The following NRXN1 variants were observed in gnomAD, a reference collection of about 807,000 sequenced individuals.
NRXN1 encodes the protein neurexin 1.
Under a neutral mutation model 150.9 loss-of-function variants are expected in NRXN1, and 39 were observed. The ratio of observed to expected loss-of-function variants is 0.26; its 90% CI spans 0.20 to 0.34. The LOEUF (loss-of-function observed/expected upper bound fraction) is 0.34, where lower values mean the gene tolerates loss of function less well. Ranked by LOEUF, NRXN1 falls within the 10% of genes least tolerant of loss-of-function variation. NRXN1 has a pLI of 1.00. For missense variants in NRXN1, 1,815 were observed against 1,949.9 expected (o/e 0.93, Z 1.30); for synonymous variants, 924 against 757.0 (o/e 1.22, Z -3.62).
intron 17 of NRXN1, among the ~76,000 whole-genome samples, chr2:50,369,643 A>G (rs2079865392): frequency 6.6e-6 from 1 of 151,958 alleles, no homozygotes; most frequent in Admixed American, 6.6e-5. Flanking sequence ...TCCCTCCATA[A>G]TATTCCCTGT....
At chr2:50,411,245 C>A (rs2083142360) in intron 17 of NRXN1, among the ~76,000 whole-genome samples, 1 of 152,186 alleles carries the variant, frequency 6.6e-6, no homozygotes, top group South Asian at 2.1e-4. Flanking sequence ...CCGGGCTGGT[C>A]TCCAGCTCCT....
rs889081674 is a variant in NRXN1, at chr2:50,158,042, C to T, written c.3547-66548G>A. On this transcript the variant is annotated intron_variant, in intron 18 of 22. Transcript: ENST00000401669. ...ATGAAGCTGCTGGAGAAAGATCCTT[C>T]AGGAATATTTATAAGAAGTTGAGTG... is the stretch of plus-strand genomic sequence containing the variant. Among the ~76,000 whole-genome samples the T allele has an allele frequency of 4.8e-5, 7 of 145,956 alleles. No homozygotes were observed. The South Asian group carries it at 1.5e-3, about 32-fold the overall frequency.
chr2:49,964,248 T>TTGAC (rs1676513517), intron 21 of NRXN1, among the ~76,000 whole-genome samples: 1 of 152,176 alleles, frequency 6.6e-6, no homozygotes, highest in Non-Finnish European at 1.5e-5. Flanking sequence ...TGTTTAGATT[T>TTGAC]TGACAGAAAA....
chr2:50,693,671 G>C (rs980518467), intron 5 of NRXN1, among the ~76,000 whole-genome samples: 1 of 152,282 alleles, frequency 6.6e-6, no homozygotes, highest in Non-Finnish European at 1.5e-5. Context: ...AAAATAAAGA[G>C]ATGGTAACTA....
intron 17 of NRXN1, among the ~76,000 whole-genome samples, chr2:50,354,337 T>C (rs1340243519): frequency 2.0e-5 from 3 of 151,932 alleles, no homozygotes; most frequent in African/African-American, 7.3e-5. Flanking sequence ...ACTCAGACAC[T>C]ACACTAGGGT....
intron 17 of NRXN1, among the ~76,000 whole-genome samples, chr2:50,260,060 T>C (rs1420430669): frequency 6.6e-6 from 1 of 151,820 alleles, no homozygotes; most frequent in Admixed American, 6.6e-5. Context: ...CTCTGTACTC[T>C]ATCAACTCTG....
At chr2:50,795,085 G>A (rs1706614058) in intron 5 of NRXN1, among the ~76,000 whole-genome samples, 1 of 152,104 alleles carries the variant, frequency 6.6e-6, no homozygotes, top group East Asian at 1.9e-4. Flanking sequence ...ATGCTTAGTA[G>A]TTAGTAGGAG....
At chr2:50,857,446 T>C (rs997439593) in intron 5 of NRXN1, among the ~76,000 whole-genome samples, 14 of 152,182 alleles carry the variant, frequency 9.2e-5, no homozygotes, top group Non-Finnish European at 1.8e-4. Context: ...CTTTCCTTTG[T>C]AGAGGATGAT....
intron 5 of NRXN1, among the ~76,000 whole-genome samples, chr2:50,655,685 A>G (rs1435435836): frequency 6.6e-6 from 1 of 151,862 alleles, no homozygotes; most frequent in East Asian, 1.9e-4. Context: ...GAGGGAAGAA[A>G]GAGGACAGAA....
chr2:50,553,550 A>G (rs1047054019), intron 8 of NRXN1, among the ~76,000 whole-genome samples: 1 of 152,218 alleles, frequency 6.6e-6, no homozygotes, highest in Non-Finnish European at 1.5e-5. Flanking sequence ...GACAGTCACA[A>G]CAAGTTAAAG....
chr2:49,945,554 C>T (rs1303091480), intron 21 of NRXN1, among the ~76,000 whole-genome samples: 1 of 152,062 alleles, frequency 6.6e-6, no homozygotes, highest in African/African-American at 2.4e-5. Flanking sequence ...CACCCTCCAA[C>T]AGGCCCAAGT....
intron 21 of NRXN1, among the ~76,000 whole-genome samples, chr2:49,987,345 G>A (rs903769191): frequency 2.0e-5 from 3 of 152,062 alleles, no homozygotes; most frequent in African/African-American, 7.2e-5. Context: ...CCTGTCCTAA[G>A]CCTTGGCCTC....
chr2:50,903,546 T>C (rs1683244085), intron 5 of NRXN1, among the ~76,000 whole-genome samples: 1 of 152,164 alleles, frequency 6.6e-6, no homozygotes. Flanking sequence ...GCTCTCAGTG[T>C]ACCACAATAT....
chr2:49,967,885 A>G (rs1215486229), intron 21 of NRXN1, among the ~76,000 whole-genome samples: 1 of 152,032 alleles, frequency 6.6e-6, no homozygotes, highest in Non-Finnish European at 1.5e-5. Context: ...AGCAATCAAG[A>G]GCTATTCAGT....
At chr2:50,697,140 T>C (rs1159018341) in intron 5 of NRXN1, among the ~76,000 whole-genome samples, 1 of 152,062 alleles carries the variant, frequency 6.6e-6, no homozygotes, top group Non-Finnish European at 1.5e-5. Context: ...AGATGGGAAG[T>C]GAAAAAGAGA....
rs562324794 is a variant in NRXN1, at chr2:50,895,689, T to C, written c.832+26180A>G. ...TTTGCCTCCCAGGTCCAAGTAATGG[T>C]CCTGCCTCAGCCTCCCAAGTAGCTG... is the stretch of plus-strand genomic sequence containing the variant. On this transcript the variant is annotated intron_variant, in intron 5 of 22. Transcript: ENST00000401669. Among the ~76,000 whole-genome samples the C allele has an allele frequency of 2.0e-5, 3 of 151,860 alleles. No homozygotes were observed. In the South Asian group the frequency reaches 6.2e-4, roughly 32 times the overall value.
Position 50,321,596 on chromosome 2 carries a change from C to T in NRXN1, c.3365-84626G>A, listed in dbSNP as rs370019101. 3.9e-5 allele frequency among the ~76,000 whole-genome samples: 6 copies of T among 151,918 alleles called. No homozygotes were observed. In the East Asian group the frequency reaches 5.8e-4, roughly 15 times the overall value. On this transcript the variant is annotated intron_variant, in intron 17 of 22. Coordinates refer to ENST00000401669, the MANE Select transcript of NRXN1 (RefSeq NM_001330078.2). The stretch of plus-strand genomic sequence containing the variant: ...TTTTTTCCTAAGTAGCAGTACTTTT[C>T]GAGAAACGGAAGGTATTGAATATTC...
At chr2:50,864,608 C>T (rs767086464) in intron 5 of NRXN1, among the ~76,000 whole-genome samples, 1 of 151,908 alleles carries the variant, frequency 6.6e-6, no homozygotes, top group African/African-American at 2.4e-5. Flanking sequence ...AACCCACAAC[C>T]CCCCATAATA....
intron 5 of NRXN1, chr2:50,829,516 T>C: frequency 7.5e-6 from 12 of 1,606,250 alleles, no homozygotes; most frequent in Non-Finnish European, 8.5e-7. Flanking sequence ...AACAGCACAG[T>C]GGCAAGTGCG....
Sources: gnomAD v4.1 joint callset for allele counts (sites outside exome capture counted in the v4.1 genomes callset) on GRCh38, gnomAD v4.1.1 for gene constraint, MANE v1.5 for transcripts, NCBI Gene and HGNC (gene_info 2026-07-23, HGNC 2026-07-21) for gene names.